APMAP: variants seen among roughly 807,000 people sequenced by gnomAD.
The protein encoded by APMAP is adipocyte plasma membrane associated protein.
Under a neutral mutation model 43.6 loss-of-function variants are expected in APMAP, and 33 were observed. The ratio of observed to expected loss-of-function variants is 0.76; its 90% confidence interval spans 0.57 to 1.01. The LOEUF is 1.01. Among genes scored for constraint, APMAP ranks in the 50% least tolerant of loss-of-function variants. The probability of loss-of-function intolerance (pLI) is 0.00; values close to 1 mark genes in which losing one functional copy is unlikely to be tolerated. For synonymous variants in APMAP, 224 were observed against 216.7 expected, an observed-to-expected ratio of 1.03 and a Z score of -0.30; for missense variants, 498 against 540.7, an observed-to-expected ratio of 0.92 and a Z score of 0.78.
intron 7 of APMAP, among the ~76,000 whole-genome samples, 162 bp downstream of exon 7, chr20:24,969,364 G>A (rs973502585): frequency 2.0e-5 from 3 of 152,152 alleles, no homozygotes; most frequent in East Asian, 1.9e-4. Context: ...ACTGCGACTC[G>A]CAATGGGAGA....
chr20:24,980,739 A>G lies in APMAP; in HGVS notation c.213-1857T>C, dbSNP rs191219410. 3.1e-3 allele frequency among the ~76,000 whole-genome samples: 462 copies of G among 148,736 alleles called. 4 individuals are homozygous for G. The highest frequency in any genetic ancestry group is 0.011 in the African/African-American group (447 of 40,122). ...ACCATGGTCAAGAGGCCATGCCACAATGACAAAAGCAGACCTACCAGCTTC... is the reference window on the plus strand; with the variant it reads ...ACCATGGTCAAGAGGCCATGCCACAGTGACAAAAGCAGACCTACCAGCTTC... On this transcript the variant is annotated intron_variant, in intron 2 of 8. Transcript: ENST00000217456.
At chr20:24,969,263 A>G (rs745893120) in intron 7 of APMAP, among the ~76,000 whole-genome samples, 179 bp from the exon 8 acceptor site, 1 of 152,190 alleles carries the variant, frequency 6.6e-6, no homozygotes. Context: ...CAGTATGAAC[A>G]GAGGGGAAGT....
At chr20:24,985,467 A>G (rs922261222) in intron 1 of APMAP, among the ~76,000 whole-genome samples, 22 of 152,200 alleles carry the variant, frequency 1.4e-4, no homozygotes, top group Admixed American at 1.4e-3. Context: ...CCAGAAACAC[A>G]GCCCTACTGA....
chr20:24,982,036 C>A, intron 2 of APMAP, among the ~76,000 whole-genome samples: 1 of 152,340 alleles, frequency 6.6e-6, no homozygotes, highest in East Asian at 1.9e-4. Flanking sequence ...CATTTTGGGG[C>A]CTATCTTCCT....
rs78139337 is a variant in APMAP at position 24,983,830 on chromosome 20, C to T, written c.212+73G>A. On this transcript the variant is annotated intron_variant, in intron 2 of 8. Transcript: ENST00000217456. ...AGATCAGATTGATTTAATCACCCTC[C>T]TTTCCTTGGAAATTATTTCAGCCTA... is the stretch of plus-strand genomic sequence containing the variant. 7.8e-3 allele frequency: 8,467 copies of T among 1,087,870 alleles called. 495 individuals carry two copies. In the African/African-American group the frequency reaches 0.12, roughly 16 times the overall value. 67.4% of individuals were successfully genotyped at this position (1,087,870 alleles called of 1,614,324 possible).
rs755734449 is a variant in APMAP, at chr20:24,970,335, A to G, written c.575T>C (p.Ile192Thr). 6 of 1,613,740 alleles carry G rather than the reference A, an allele frequency of 3.7e-6. No individual in the cohort carries two copies. Among genetic ancestry groups the G allele is most frequent in the Middle Eastern group, 3.3e-4 (2 of 6,058 alleles). ...CACAAAGGACATGTTCTTCCCCTCA[A>G]TGGGTGTCTCGGAGGACAGCAGCAG... ...VKLLLSSETPIEGKNMSFVND... is the reference protein window; with the variant it reads ...VKLLLSSETPTEGKNMSFVND... Residue 192 changes from isoleucine to threonine, a missense_variant, in exon 6 of 9, where the codon ATT becomes ACT. Physicochemically the swap from Ile to Thr is moderately conservative, Grantham distance 89. Coordinates refer to ENST00000217456, the MANE Select transcript of APMAP (RefSeq NM_020531.3).
In APMAP at chr20:24,970,265, G is replaced by A. The variant is rs368517683; in HGVS notation, c.645C>T (p.Thr215=). 145 of 1,613,960 alleles carry A rather than the reference G, an allele frequency of 9.0e-5. 2 individuals carry two copies. The South Asian group carries it at 9.0e-4, about 10-fold the overall frequency. ...GTCTTTGCCATTTGCTGCTAGAATC[G>A]GTGAAATAAATCTTCCTCCCATCCT... ...VTQDGRKIYF[T]DSSSKWQRRD... is the part of the protein sequence containing the mutation. The change falls in exon 6 of 9, where the codon ACC becomes ACT. Residue 215 remains threonine (T), a synonymous_variant. Coordinates refer to ENST00000217456, the MANE Select transcript of APMAP (RefSeq NM_020531.3).
rs1387327347 is a variant in APMAP, at chr20:24,983,903, C to T, written c.212G>A (p.Ser71Asn). 2.5e-6 allele frequency: 4 copies of T among 1,603,686 alleles called. No individual in the cohort carries two copies. Among genetic ancestry groups the T allele is most frequent in the Admixed American group, 3.4e-5 (2 of 59,666 alleles). The stretch of plus-strand genomic sequence containing the variant: ...TCCTGAGGACTGCGGGGCAGCCTAC[C>T]TGAGAGGCTGTGGATCTATAGGAGA... Reference protein sequence around the residue: ...LESPIDPQPLSFKEPPLLLGV... With the variant: ...LESPIDPQPLNFKEPPLLLGV... Residue 71 changes from serine (S) to asparagine (N), a missense_variant and splice_region_variant, in exon 2 of 9, where the codon AGC becomes AAC. By Grantham distance (46) the Ser-to-Asn change is conservative (BLOSUM62 1). Coordinates refer to ENST00000217456, the MANE Select transcript of APMAP (RefSeq NM_020531.3).
chr20:24,968,873 T>TTCC lies in APMAP; in HGVS notation c.1041+18_1041+19insGGA. The stretch of plus-strand genomic sequence containing the variant: ...TTCATTTCCATTTTCTTTCTTGGAA[T>TTCC]AACAGTTTTCACAGTTACCTTAAAA... On this transcript the variant is annotated intron_variant, in intron 8 of 8. Transcript: ENST00000217456. 6.4e-7 allele frequency: 1 copy of TTCC among 1,560,968 alleles called. No individual in the cohort carries two copies. The highest frequency in any genetic ancestry group is 8.7e-7 in the Non-Finnish European group (1 of 1,150,554).
intron 6 of APMAP, 103 bp from the exon 7 acceptor site, chr20:24,969,763 A>G (rs1441348545): frequency 2.1e-6 from 3 of 1,432,246 alleles, no homozygotes; most frequent in Admixed American, 2.3e-5. Flanking sequence ...CTCACCCCGG[A>G]GCAACAGGCC....
intron 8 of APMAP, among the ~76,000 whole-genome samples, chr20:24,968,504 GA>G (rs887724587): frequency 3.3e-5 from 5 of 152,242 alleles, no homozygotes; most frequent in African/African-American, 1.2e-4. Context: ...AGGAGGCAGA[GA>G]GGGGGGTGGA....
chr20:24,964,366 T>A (rs189803871), intron 8 of APMAP: 1 of 515,322 alleles, frequency 1.9e-6, no homozygotes, highest in Admixed American at 2.3e-5. Flanking sequence ...CAGAATGACC[T>A]CCACTCACCA....
intron 2 of APMAP, among the ~76,000 whole-genome samples, chr20:24,980,766 C>T (rs1269997493): frequency 2.0e-5 from 3 of 151,936 alleles, no homozygotes; most frequent in Admixed American, 6.6e-5. Context: ...ACCAGCTTCG[C>T]TCGGCCTCGG....
intron 1 of APMAP, among the ~76,000 whole-genome samples, chr20:24,988,690 A>ATGTGCAGCTGGACACCACTAACTC (rs2088167748): frequency 6.6e-6 from 1 of 152,158 alleles, no homozygotes; most frequent in Non-Finnish European, 1.5e-5. Flanking sequence ...GTTGTTCCTC[A>ATGTGCAGCTGGACACCACTAACTC]TGTGCAGCTG....
At chr20:24,973,915 T>C (rs2088027882) in intron 3 of APMAP, among the ~76,000 whole-genome samples, 178 bp from the exon 4 acceptor site, 2 of 152,116 alleles carry the variant, frequency 1.3e-5, no homozygotes, top group Admixed American at 1.3e-4. Flanking sequence ...AAACTTACAG[T>C]GATAAAACTG....
At chr20:24,973,290 G>T (rs2088021108) in intron 4 of APMAP, among the ~76,000 whole-genome samples, 1 of 152,282 alleles carries the variant, frequency 6.6e-6, no homozygotes, top group East Asian at 1.9e-4. Flanking sequence ...GTAATGACAA[G>T]GCCACCTACT....
intron 6 of APMAP, 102 bp from the exon 7 acceptor site, chr20:24,969,762 G>C (rs759039288): frequency 1.4e-6 from 2 of 1,440,454 alleles, no homozygotes; most frequent in Non-Finnish European, 1.9e-6. Flanking sequence ...CCTCACCCCG[G>C]AGCAACAGGC....
At chr20:24,973,874 A>G in intron 3 of APMAP, 137 bp from the exon 4 acceptor site, 1 of 706,598 alleles carries the variant, frequency 1.4e-6, no homozygotes, top group Non-Finnish European at 2.3e-6. Context: ...GATGGAAGAG[A>G]AGCAATTTCT....
intron 2 of APMAP, among the ~76,000 whole-genome samples, chr20:24,979,183 T>C (rs980086643): frequency 6.6e-6 from 1 of 152,084 alleles, no homozygotes; most frequent in Admixed American, 6.5e-5. Context: ...CCCCATCCAA[T>C]GCCTCAGGGC....
Sources: allele counts gnomAD v4.1 joint callset (sites outside exome capture counted in the v4.1 genomes callset), GRCh38; gene constraint gnomAD v4.1.1; transcripts MANE v1.5; gene names NCBI Gene and HGNC (gene_info 2026-07-23, HGNC 2026-07-21).